SEC14L2: variants seen among roughly 807,000 people sequenced by gnomAD.
SEC14L2 encodes the protein SEC14-like protein 2.
SEC14L2 carries 50 observed loss-of-function variants against 56.9 expected under a neutral mutation model. The observed-to-expected ratio is 0.88, with a 90% CI of 0.70 to 1.11. The LOEUF (loss-of-function observed/expected upper bound fraction) is 1.11. SEC14L2 is among the 50% of genes most tolerant of loss of function. The probability of loss-of-function intolerance (pLI) is 0.00; values close to 1 mark genes in which losing one functional copy is unlikely to be tolerated. For missense variants in SEC14L2, 414 were observed against 500.7 expected, an observed-to-expected ratio of 0.83 and a Z score of 1.65; for synonymous variants, 179 against 188.5, an observed-to-expected ratio of 0.95 and a Z score of 0.41.
At chr22:30,397,251 G>A (rs35877155) in intron 1 of SEC14L2, 81 bp downstream of exon 1, 1 of 1,270,584 alleles carries the variant, frequency 7.9e-7, no homozygotes, top group Non-Finnish European at 1.1e-6. Context: ...GACGGGGCTG[G>A]GTGGGGGCCG....
intron 11 of SEC14L2, among the ~76,000 whole-genome samples, chr22:30,418,074 T>C (rs1446455805): frequency 6.6e-6 from 1 of 152,006 alleles, no homozygotes; most frequent in Non-Finnish European, 1.5e-5. Flanking sequence ...AAGCTTGAAT[T>C]TTTTTGTCTG....
At chr22:30,418,270 C>T (rs1003748476) in intron 11 of SEC14L2, among the ~76,000 whole-genome samples, 6 of 152,010 alleles carry the variant, frequency 3.9e-5, no homozygotes, top group Admixed American at 1.3e-4. Context: ...AAGGGATGTT[C>T]TCCCATAAAG....
intron 1 of SEC14L2, chr22:30,398,019 G>C: frequency 2.7e-6 from 1 of 366,200 alleles, no homozygotes. Context: ...GATAGGGTCT[G>C]GCCCCAAGAT....
rs199600327 is a variant in SEC14L2 at position 30,415,915 on chromosome 22, C to A, written c.772-33C>A. On this transcript the variant is annotated intron_variant, in intron 9 of 11. Transcript: ENST00000615189. ...TGAACAGGGATGCCTGGCTCAAATG[C>A]ACATTCCAGTTCACTCCATGCCATG... 5 of 1,614,136 alleles carry A rather than the reference C, an allele frequency of 3.1e-6. No individual in the cohort carries two copies. In the East Asian group the frequency reaches 8.9e-5, roughly 29 times the overall value.
intron 2 of SEC14L2, among the ~76,000 whole-genome samples, chr22:30,404,525 CCA>C (rs1934038493): frequency 6.6e-6 from 1 of 152,136 alleles, no homozygotes; most frequent in Non-Finnish European, 1.5e-5. Context: ...GATGCCAAAT[CCA>C]CAGAGGACAT....
At chr22:30,416,923 G>C in intron 11 of SEC14L2, 1 of 927,106 alleles carries the variant, frequency 1.1e-6, no homozygotes, top group Non-Finnish European at 1.3e-6. Flanking sequence ...TTGAAAAGGT[G>C]CTTAATCTCT....
At chr22:30,414,481 C>T (rs984790797) in intron 8 of SEC14L2, among the ~76,000 whole-genome samples, 1 of 152,166 alleles carries the variant, frequency 6.6e-6, no homozygotes. Context: ...CCCAAGACCA[C>T]AGACACTGTG....
chr22:30,399,606 C>G, intron 1 of SEC14L2, 37 bp from the exon 2 acceptor site: 1 of 1,559,692 alleles, frequency 6.4e-7, no homozygotes. Flanking sequence ...GCAGTCAGGG[C>G]GGGCCCTACC....
At position 30,415,795 on chromosome 22, in the gene SEC14L2, C is replaced by G. The variant is rs781010361; in HGVS notation, c.701C>G (p.Pro234Arg). 3.9e-5 allele frequency: 63 copies of G among 1,614,004 alleles called. No homozygotes were observed. Among genetic ancestry groups the G allele is most frequent in the Non-Finnish European group, 5.2e-5 (61 of 1,180,026 alleles). Residue 234 changes from proline to arginine, a missense_variant, in exon 9 of 12, where the codon CCT becomes CGT. Pro to Arg is a moderately radical substitution (Grantham distance 103). Transcript: ENST00000615189. Reference protein sequence around the residue: ...WKEVLLKHISPDQVPVEYGGT... With the variant: ...WKEVLLKHISRDQVPVEYGGT... ...GAGGTTTTACTGAAACATATCAGCC[C>G]TGACCAGGTGCCTGTGGAGTATGGG...
intron 7 of SEC14L2, among the ~76,000 whole-genome samples, chr22:30,409,814 T>G (rs1230944628): frequency 6.6e-6 from 1 of 152,158 alleles, no homozygotes; most frequent in Non-Finnish European, 1.5e-5. Flanking sequence ...GCAAGAGCAT[T>G]GCTTGAGTCT....
chr22:30,415,492 C>A (rs549971231), intron 8 of SEC14L2, among the ~76,000 whole-genome samples: 2 of 152,150 alleles, frequency 1.3e-5, no homozygotes, highest in African/African-American at 4.8e-5. Flanking sequence ...CCAGGCAGGG[C>A]AAGAATGTCA....
Position 30,410,600 on chromosome 22 carries a change from C to T in SEC14L2, c.585C>T (p.Pro195=), listed in dbSNP as rs35984615. Residue 195 remains proline, a synonymous_variant, in exon 8 of 12, where the codon CCC becomes CCT. Transcript: ENST00000615189. ...TLKRLFVVKA[P]KLFPVAYNLI... ...ATTATCTGGTCTCTGTTCCAGCCCC[C>T]AAACTGTTTCCTGTGGCCTATAACC... 6.0e-5 allele frequency: 97 copies of T among 1,614,140 alleles called. No individual in the cohort carries two copies. In the African/African-American group the frequency reaches 1.1e-3, roughly 18 times the overall value.
chr22:30,421,115 T>A (rs1280245099), intron 11 of SEC14L2: 5 of 152,060 alleles, frequency 3.3e-5, no homozygotes, highest in African/African-American at 1.2e-4. Context: ...TGCGCGAGGA[T>A]GACAATCAGG....
At chr22:30,408,378 G>C (rs1175293364) in intron 5 of SEC14L2, among the ~76,000 whole-genome samples, 1 of 151,858 alleles carries the variant, frequency 6.6e-6, no homozygotes, top group Non-Finnish European at 1.5e-5. Flanking sequence ...GGCAGATTGA[G>C]CCCAAGAGTT....
At chr22:30,397,403 G>T in intron 1 of SEC14L2, 1 of 500,734 alleles carries the variant, frequency 2.0e-6, no homozygotes, top group Non-Finnish European at 3.5e-6. Flanking sequence ...AGCAGCCGTG[G>T]CGGTGCCACC....
intron 11 of SEC14L2, chr22:30,420,651 C>G (rs1027237539): frequency 1.3e-5 from 2 of 152,270 alleles, no homozygotes; most frequent in Non-Finnish European, 2.9e-5. Context: ...ACACCTTCAC[C>G]ATGAGGAAAG....
At chr22:30,420,181 G>T (rs1042120217) in intron 11 of SEC14L2, among the ~76,000 whole-genome samples, 10 of 152,068 alleles carry the variant, frequency 6.6e-5, no homozygotes, top group Admixed American at 6.5e-5. Flanking sequence ...TTGAACTCCC[G>T]GCCTCAGGTG....
At chr22:30,419,990 G>A (rs1247820883) in intron 11 of SEC14L2, among the ~76,000 whole-genome samples, 2 of 142,046 alleles carry the variant, frequency 1.4e-5, no homozygotes, top group African/African-American at 2.6e-5. Context: ...TTTTGCTCTT[G>A]TTGCCCAGGA....
At chr22:30,406,967 G>A (rs1569207232) in intron 3 of SEC14L2, 128 bp from the exon 4 acceptor site, 2 of 792,576 alleles carry the variant, frequency 2.5e-6, no homozygotes, top group Non-Finnish European at 4.1e-6. Context: ...GGCCAGGCTG[G>A]TCTTGAACTC....
Sources: allele counts gnomAD v4.1 joint callset (sites outside exome capture counted in the v4.1 genomes callset), GRCh38; gene constraint gnomAD v4.1.1; transcripts MANE v1.5; gene names NCBI Gene and HGNC (gene_info 2026-07-23, HGNC 2026-07-21).